Variants in ANKAR observed in about 807,000 individuals in gnomAD.
The protein encoded by ANKAR is ankyrin and armadillo repeat-containing protein.
A neutral mutation model predicts 146.2 loss-of-function variants in ANKAR; 136 were observed. The ratio of observed to expected loss-of-function variants is 0.93; its 90% CI spans 0.81 to 1.07. The LOEUF (loss-of-function observed/expected upper bound fraction) is 1.07, where lower values mean the gene tolerates loss of function less well. Ranked by LOEUF, ANKAR falls within the 50% of genes least tolerant of loss-of-function variation. ANKAR has a pLI of 0.00. For missense variants in ANKAR, 1,567 were observed against 1,679.9 expected, an observed-to-expected ratio of 0.93 and a Z score of 1.18; for synonymous variants, 500 against 575.8, an observed-to-expected ratio of 0.87 and a Z score of 1.88.
chr2:189,701,989 C>T (rs1405804221), intron 7 of ANKAR, among the ~76,000 whole-genome samples: 1 of 152,098 alleles, frequency 6.6e-6, no homozygotes, highest in Non-Finnish European at 1.5e-5. Flanking sequence ...ATATCTCAGT[C>T]TCTTGGTGAG....
intron 7 of ANKAR, among the ~76,000 whole-genome samples, chr2:189,702,635 G>A (rs763792971): frequency 3.9e-5 from 6 of 152,116 alleles, no homozygotes; most frequent in Non-Finnish European, 7.3e-5. Flanking sequence ...AGGATGAAAT[G>A]GTAACTTCTA....
At chr2:189,743,993 C>G (rs533541502) in intron 21 of ANKAR, among the ~76,000 whole-genome samples, 47 of 152,064 alleles carry the variant, frequency 3.1e-4, no homozygotes, top group Non-Finnish European at 4.3e-4. Flanking sequence ...TTAACTCCCC[C>G]CAAAAAGGGA....
At chr2:189,722,889 A>C (rs967324113) in intron 12 of ANKAR, among the ~76,000 whole-genome samples, 2 of 152,012 alleles carry the variant, frequency 1.3e-5, no homozygotes, top group Non-Finnish European at 2.9e-5. Context: ...TAAAAAAAAA[A>C]AAAAGAAAAG....
chr2:189,723,084 T>C (rs2041494359), intron 12 of ANKAR, among the ~76,000 whole-genome samples: 1 of 152,196 alleles, frequency 6.6e-6, no homozygotes, highest in South Asian at 2.1e-4. Context: ...GGATGTTAGC[T>C]GGGTTGTTAA....
chr2:189,695,091 C>T lies in ANKAR; in HGVS notation c.1418C>T (p.Pro473Leu). The T allele has an allele frequency of 6.2e-7, 1 of 1,612,872 alleles. No individual in the cohort carries two copies. The highest frequency in any genetic ancestry group is 8.5e-7 in the Non-Finnish European group (1 of 1,179,462). ...IVNNLRLKRL[P>L]LTDAQLHEQF... ...AACAATCTGAGACTGAAAAGACTTC[C>T]ACTGACAGATGCTCAATTACATGAA... The change falls in exon 6 of 23, where the codon CCA becomes CTA. Residue 473 changes from proline (P) to leucine (L), a missense_variant. Physicochemically the swap from Pro to Leu is moderately conservative, Grantham distance 98 (BLOSUM62 -3). Coordinates refer to ENST00000684021, the MANE Select transcript of ANKAR (RefSeq NM_001378068.1).
At chr2:189,687,798 TA>T (rs2035832520) in intron 2 of ANKAR, among the ~76,000 whole-genome samples, 1 of 152,202 alleles carries the variant, frequency 6.6e-6, no homozygotes, top group African/African-American at 2.4e-5. Flanking sequence ...TGCCTATTTT[TA>T]AATCAGATTA....
At chr2:189,745,027 C>CTACTAATAATAA (rs376824673) in intron 22 of ANKAR, among the ~76,000 whole-genome samples, 5 of 131,092 alleles carry the variant, frequency 3.8e-5, no homozygotes, top group Admixed American at 8.1e-5. Context: ...ACTACTACTA[C>CTACTAATAATAA]TAATAATACA....
At chr2:189,717,076 C>T (rs2040562422) in intron 10 of ANKAR, among the ~76,000 whole-genome samples, 1 of 152,024 alleles carries the variant, frequency 6.6e-6, no homozygotes, top group Non-Finnish European at 1.5e-5. Flanking sequence ...CAACAAAAGC[C>T]AAAATAGACA....
intron 18 of ANKAR, chr2:189,754,920 T>C (rs1239625169): frequency 4.3e-6 from 2 of 462,518 alleles, no homozygotes; most frequent in Admixed American, 8.2e-5. Context: ...TTTGGCAAAA[T>C]ACATAACTGT....
intron 5 of ANKAR, among the ~76,000 whole-genome samples, chr2:189,694,115 A>T (rs2036844104): frequency 6.6e-6 from 1 of 151,080 alleles, no homozygotes; most frequent in African/African-American, 2.4e-5. Context: ...CTGTAGTCAC[A>T]CCTACCCAGG....
At chr2:189,683,421 A>G (rs1312134745) in intron 2 of ANKAR, among the ~76,000 whole-genome samples, 1 of 152,222 alleles carries the variant, frequency 6.6e-6, no homozygotes, top group Non-Finnish European at 1.5e-5. Flanking sequence ...GCCTCAGGGC[A>G]AAAATAATCC....
intron 8 of ANKAR, among the ~76,000 whole-genome samples, chr2:189,706,365 G>A (rs1317849966): frequency 6.6e-6 from 1 of 151,950 alleles, no homozygotes; most frequent in South Asian, 2.1e-4. Context: ...CAGCCTGGGT[G>A]ACAGAGTGAG....
intron 8 of ANKAR, 58 bp downstream of exon 8, chr2:189,705,282 AAAAG>A (rs976310530): frequency 5.2e-5 from 79 of 1,523,960 alleles, no homozygotes; most frequent in African/African-American, 1.1e-4. Context: ...TAATAAAAAA[AAAAG>A]AAGAAAGAAA....
chr2:189,750,810 G>A (rs974369388), downstream of ANKAR, among the ~76,000 whole-genome samples: 3 of 151,988 alleles, frequency 2.0e-5, no homozygotes, highest in Non-Finnish European at 4.4e-5. Context: ...AATATACTGG[G>A]ACCTCAAGTC....
At position 189,742,969 on chromosome 2, in the gene ANKAR, CA is replaced by C. The variant is rs59373664; in HGVS notation, c.3811-305del. 7.6e-4 allele frequency among the ~76,000 whole-genome samples: 100 copies of C among 131,942 alleles called. 1 individual carries two copies. Among genetic ancestry groups the C allele is most frequent in the East Asian group, 1.3e-3 (6 of 4,508 alleles). 86.6% of individuals were successfully genotyped at this position (131,942 alleles called of 152,430 possible). On this transcript the variant is annotated intron_variant, in intron 20 of 22. Transcript: ENST00000684021. ...ACACACACACACACACACACACACACACACACACACACCCCTGAAAGGATTC... is the reference window on the plus strand; with the variant it reads ...ACACACACACACACACACACACACACCACACACACACCCCTGAAAGGATTC...
intron 9 of ANKAR, among the ~76,000 whole-genome samples, chr2:189,709,626 T>G (rs901243303): frequency 1.3e-5 from 2 of 152,216 alleles, no homozygotes; most frequent in Non-Finnish European, 2.9e-5. Flanking sequence ...AAAATATGTT[T>G]AAGATTTTCA....
At chr2:189,712,170 C>T (rs564411364) in intron 10 of ANKAR, among the ~76,000 whole-genome samples, 1 of 152,172 alleles carries the variant, frequency 6.6e-6, no homozygotes, top group Admixed American at 6.5e-5. Flanking sequence ...GGGGGCAGGG[C>T]ATAGCTGAAC....
chr2:189,707,452 C>A (rs375342074), intron 9 of ANKAR, among the ~76,000 whole-genome samples: 61 of 72,894 alleles, frequency 8.4e-4, no homozygotes, highest in South Asian at 2.4e-3. Flanking sequence ...TCTCCTTCAT[C>A]AAAAAAAAAA....
chr2:189,703,031 C>T (rs75887058), intron 7 of ANKAR, among the ~76,000 whole-genome samples: 4,803 of 152,158 alleles, frequency 0.032, 120 homozygotes, highest in Admixed American at 0.057. Flanking sequence ...TCCTGGGTAA[C>T]CTGGGGCGTG....
Sources: allele counts gnomAD v4.1 joint callset (sites outside exome capture counted in the v4.1 genomes callset), GRCh38; gene constraint gnomAD v4.1.1; transcripts MANE v1.5; gene names NCBI Gene and HGNC (gene_info 2026-07-23, HGNC 2026-07-21).